The following TRHDE variants were observed in gnomAD, a reference collection of about 807,000 sequenced individuals.
TRHDE encodes the protein thyrotropin-releasing hormone-degrading ectoenzyme.
A neutral mutation model predicts 125.7 loss-of-function variants in TRHDE; 72 were observed. The observed-to-expected ratio is 0.57, with a 90% CI of 0.47 to 0.70. TRHDE has a LOEUF of 0.70. Ranked by LOEUF, TRHDE falls within the 30% of genes least tolerant of loss-of-function variation. TRHDE has a pLI of 0.00. For missense variants in TRHDE, 1,110 were observed against 1,327.1 expected, an observed-to-expected ratio of 0.84 and a Z score of 2.54; for synonymous variants, 509 against 509.1, an observed-to-expected ratio of 1.00 and a Z score of 0.00.
chr12:72,470,417 T>C (rs933014540), intron 4 of TRHDE, among the ~76,000 whole-genome samples: 2 of 152,254 alleles, frequency 1.3e-5, no homozygotes, highest in Non-Finnish European at 2.9e-5. Context: ...AAATGATTGA[T>C]ATTTTTTGTC....
rs183229324 is a variant in TRHDE, at chr12:72,100,316, G to A, written n.175-5332G>A. ...ATGTTACTTAATGCTATGCCCCCTC[G>A]TTACTTCTCAGATTGCAGCTATTAT... On this transcript the variant is annotated intron_variant and non_coding_transcript_variant, in intron 1 of 4. Coordinates refer to the TRHDE transcript ENST00000548156. Among the ~76,000 whole-genome samples the A allele has an allele frequency of 1.8e-3, 269 of 152,242 alleles. 1 individual carries two copies. Among genetic ancestry groups the A allele is most frequent in the African/African-American group, 5.6e-3 (234 of 41,554 alleles).
At chr12:72,614,930 T>C (rs1176493510) in intron 12 of TRHDE, among the ~76,000 whole-genome samples, 1 of 152,176 alleles carries the variant, frequency 6.6e-6, no homozygotes, top group African/African-American at 2.4e-5. Context: ...AATTTCCTTC[T>C]TATAAAATAC....
chr12:72,194,836 G>C (rs535205155), intron 2 of TRHDE, among the ~76,000 whole-genome samples: 2 of 152,124 alleles, frequency 1.3e-5, no homozygotes, highest in Admixed American at 1.3e-4. Context: ...GCTGCTACGA[G>C]TGGATGTGTC....
At chr12:72,647,292 C>T (rs1171939079) in intron 15 of TRHDE, among the ~76,000 whole-genome samples, 1 of 151,820 alleles carries the variant, frequency 6.6e-6, no homozygotes, top group Non-Finnish European at 1.5e-5. Context: ...ACAATGAATG[C>T]ACATCATACT....
At chr12:72,133,123 T>C (rs1278392646) in intron 2 of TRHDE, among the ~76,000 whole-genome samples, 1 of 152,206 alleles carries the variant, frequency 6.6e-6, no homozygotes, top group African/African-American at 2.4e-5. Flanking sequence ...TTTGTAAGTA[T>C]ACATACAGTA....
rs138712355 is a variant in TRHDE at position 72,524,781 on chromosome 12, A to G, written c.1723-17510A>G. On this transcript the variant is annotated intron_variant, in intron 6 of 18. Coordinates refer to ENST00000261180, the MANE Select transcript of TRHDE (RefSeq NM_013381.3). ...TGTCTGTCGTGTCAGAACACATGAG[A>G]TGTTCACCACAACTGCTAAATAAAG... Among the ~76,000 whole-genome samples the G allele has an allele frequency of 6.0e-4, 91 of 152,250 alleles. 1 individual carries two copies. In the East Asian group the frequency reaches 0.016, roughly 26 times the overall value.
At chr12:72,347,218 A>G (rs1870364729) in intron 2 of TRHDE, among the ~76,000 whole-genome samples, 1 of 152,138 alleles carries the variant, frequency 6.6e-6, no homozygotes, top group Admixed American at 6.6e-5. Flanking sequence ...AGATGGATTC[A>G]GAGGAGACCA....
At chr12:72,490,620 CA>C (rs1429835690) in intron 5 of TRHDE, among the ~76,000 whole-genome samples, 1 of 151,670 alleles carries the variant, frequency 6.6e-6, no homozygotes, top group Non-Finnish European at 1.5e-5. Flanking sequence ...CACACACACA[CA>C]CACACATTTT....
chr12:72,342,976 G>T (rs35567773), intron 2 of TRHDE, among the ~76,000 whole-genome samples: 1 of 151,990 alleles, frequency 6.6e-6, no homozygotes, highest in Non-Finnish European at 1.5e-5. Flanking sequence ...TATGAGGTGG[G>T]TCCTGTTACT....
intron 2 of TRHDE, among the ~76,000 whole-genome samples, chr12:72,216,092 G>A (rs1001576969): frequency 1.3e-5 from 2 of 152,078 alleles, no homozygotes; most frequent in African/African-American, 2.4e-5. Flanking sequence ...TATCACTCTA[G>A]TTTGTCATAG....
chr12:72,544,657 T>TTCTTGATTTATTA (rs1326062907), intron 7 of TRHDE, among the ~76,000 whole-genome samples: 5 of 151,482 alleles, frequency 3.3e-5, no homozygotes, highest in Admixed American at 2.0e-4. Context: ...ATGCTCTTTC[T>TTCTTGATTTATTA]TCTTGATTTA....
Position 72,568,549 on chromosome 12 carries a change from C to T in TRHDE, c.2043-19C>T, listed in dbSNP as rs780288192. The T allele has an allele frequency of 3.2e-6, 5 of 1,564,588 alleles. No individual in the cohort carries two copies. Among genetic ancestry groups the T allele is most frequent in the Admixed American group, 1.7e-5 (1 of 58,206 alleles). ...GATATAGTTATTTTTATTCTTAAAG[C>T]TTGTCTTTTATTTTGCAGTTACCTG... On this transcript the variant is annotated intron_variant, in intron 9 of 18. Coordinates refer to ENST00000261180, the MANE Select transcript of TRHDE (RefSeq NM_013381.3).
intron 18 of TRHDE, among the ~76,000 whole-genome samples, chr12:72,659,547 GT>G (rs1253933072): frequency 6.6e-6 from 1 of 151,978 alleles, no homozygotes; most frequent in East Asian, 1.9e-4. Flanking sequence ...CATTTACATA[GT>G]TATTAAGAGT....
chr12:72,225,773 G>C (rs992732758), intron 2 of TRHDE, among the ~76,000 whole-genome samples: 2 of 152,152 alleles, frequency 1.3e-5, no homozygotes, highest in Non-Finnish European at 2.9e-5. Context: ...GAAGTTTCAT[G>C]ATGTGCCATT....
intron 2 of TRHDE, among the ~76,000 whole-genome samples, chr12:72,232,920 T>C (rs1878274153): frequency 6.6e-6 from 1 of 152,208 alleles, no homozygotes; most frequent in African/African-American, 2.4e-5. Context: ...TTATTTTGTG[T>C]ATTATCTCTC....
At chr12:72,603,132 A>C (rs1872274453) in intron 12 of TRHDE, among the ~76,000 whole-genome samples, 1 of 152,206 alleles carries the variant, frequency 6.6e-6, no homozygotes, top group South Asian at 2.1e-4. Flanking sequence ...TAAAGAAGAG[A>C]TAAGGAAACA....
At chr12:72,488,190 T>C (rs934948709) in intron 5 of TRHDE, among the ~76,000 whole-genome samples, 2 of 152,022 alleles carry the variant, frequency 1.3e-5, no homozygotes, top group African/African-American at 2.4e-5. Flanking sequence ...TGTAAATGGC[T>C]TAAATTATTT....
intron 2 of TRHDE, among the ~76,000 whole-genome samples, chr12:72,264,833 T>C (rs907214831): frequency 1.3e-5 from 2 of 151,166 alleles, no homozygotes; most frequent in Non-Finnish European, 3.0e-5. Flanking sequence ...TTATAAGAAT[T>C]AAATCTATTT....
At chr12:72,540,776 A>C (rs1262754635) in intron 6 of TRHDE, among the ~76,000 whole-genome samples, 1 of 151,698 alleles carries the variant, frequency 6.6e-6, no homozygotes, top group African/African-American at 2.4e-5. Context: ...GTCATATACA[A>C]ATGTGCAGAA....
Sources: allele counts gnomAD v4.1 joint callset (sites outside exome capture counted in the v4.1 genomes callset), GRCh38; gene constraint gnomAD v4.1.1; transcripts MANE v1.5; gene names NCBI Gene and HGNC (gene_info 2026-07-23, HGNC 2026-07-21).